PSD3: variants seen among roughly 807,000 people sequenced by gnomAD.
The protein encoded by PSD3 is PH and SEC7 domain-containing protein 3.
In PSD3, 49 loss-of-function variants were observed where a neutral mutation model predicts 105.5. That is an observed-to-expected ratio of 0.46 (90% confidence interval 0.37 to 0.59). The LOEUF (loss-of-function observed/expected upper bound fraction) is 0.59. Ranked by LOEUF, PSD3 falls within the 20% of genes least tolerant of loss-of-function variation. The probability of loss-of-function intolerance (pLI) is 0.00; values close to 1 mark genes in which losing one functional copy is unlikely to be tolerated. For missense variants in PSD3, 1,561 were observed against 1,263.8 expected, an observed-to-expected ratio of 1.24 and a Z score of -3.57; for synonymous variants, 557 against 457.8, an observed-to-expected ratio of 1.22 and a Z score of -2.77.
chr8:18,845,006 T>C (rs1277090807), intron 4 of PSD3, among the ~76,000 whole-genome samples: 1 of 152,238 alleles, frequency 6.6e-6, no homozygotes, highest in African/African-American at 2.4e-5. Flanking sequence ...AAGCACGTCA[T>C]GGGAGTTCAA....
intron 2 of PSD3, among the ~76,000 whole-genome samples, chr8:18,874,302 C>A (rs1252171661): frequency 5.3e-5 from 8 of 151,724 alleles, no homozygotes; most frequent in Admixed American, 5.2e-4. Flanking sequence ...GCTGGGACTA[C>A]AGGTGCGTGC....
At chr8:18,662,639 G>A (rs1051320420) in intron 9 of PSD3, among the ~76,000 whole-genome samples, 5 of 152,088 alleles carry the variant, frequency 3.3e-5, no homozygotes, top group African/African-American at 4.8e-5. Context: ...AATAGGAGAG[G>A]GCTGCATAAA....
chr8:18,703,114 T>C (rs928249905), intron 9 of PSD3, among the ~76,000 whole-genome samples: 2 of 152,100 alleles, frequency 1.3e-5, no homozygotes, highest in African/African-American at 2.4e-5. Flanking sequence ...GAAGGAAATG[T>C]CTTAACTTTT....
intron 1 of PSD3, among the ~76,000 whole-genome samples, chr8:19,021,183 A>G (rs1206082066): frequency 1.3e-5 from 2 of 152,220 alleles, no homozygotes; most frequent in Non-Finnish European, 2.9e-5. Context: ...TAGGAGGAAA[A>G]CAAAAGAATG....
chr8:18,856,106 T>C (rs1227886423), intron 4 of PSD3, among the ~76,000 whole-genome samples: 1 of 152,116 alleles, frequency 6.6e-6, no homozygotes, highest in Non-Finnish European at 1.5e-5. Context: ...CTCTCTGGCA[T>C]GTCACCCTGC....
At chr8:18,544,564 GAA>G (rs1273164194) in intron 15 of PSD3, among the ~76,000 whole-genome samples, 1 of 151,994 alleles carries the variant, frequency 6.6e-6, no homozygotes, top group East Asian at 1.9e-4. Context: ...GAAATCCAAA[GAA>G]AGTGTGAATT....
intron 2 of PSD3, among the ~76,000 whole-genome samples, chr8:18,877,228 C>G (rs1817783527): frequency 6.6e-6 from 1 of 152,184 alleles, no homozygotes; most frequent in Non-Finnish European, 1.5e-5. Context: ...TCATATGTAG[C>G]AAATCATTGT....
At chr8:18,731,306 C>T (rs1803732919) in intron 9 of PSD3, among the ~76,000 whole-genome samples, 2 of 152,242 alleles carry the variant, frequency 1.3e-5, no homozygotes, top group Admixed American at 6.5e-5. Context: ...AACATTTATT[C>T]TGACTATGGA....
chr8:18,824,217 A>G (rs547358707), intron 4 of PSD3, among the ~76,000 whole-genome samples: 5 of 152,310 alleles, frequency 3.3e-5, no homozygotes, highest in Admixed American at 2.6e-4. Flanking sequence ...GGCTATGTCA[A>G]TTTTCCAAAG....
At chr8:18,922,318 A>T (rs2129467431) in intron 2 of PSD3, among the ~76,000 whole-genome samples, 1 of 152,332 alleles carries the variant, frequency 6.6e-6, no homozygotes, top group African/African-American at 2.4e-5. Context: ...GAACAGGAAA[A>T]TCTTTCAAAA....
At chr8:18,604,165 G>A (rs915769781) in intron 11 of PSD3, among the ~76,000 whole-genome samples, 5 of 152,180 alleles carry the variant, frequency 3.3e-5, no homozygotes, top group Non-Finnish European at 2.9e-5. Context: ...AATTCCCAGA[G>A]ACTGGATGAA....
intron 8 of PSD3, among the ~76,000 whole-genome samples, chr8:18,788,630 G>A (rs1445129269): frequency 5.9e-5 from 9 of 152,070 alleles, no homozygotes; most frequent in South Asian, 4.2e-4. Flanking sequence ...GAAGCTTTGC[G>A]GAAAACGTGC....
intron 4 of PSD3, among the ~76,000 whole-genome samples, chr8:18,808,439 A>T (rs1033156939): frequency 6.6e-6 from 1 of 152,182 alleles, no homozygotes; most frequent in African/African-American, 2.4e-5. Flanking sequence ...TTTATTACCC[A>T]AAATCATTCC....
chr8:18,786,470 C>T (rs1809169561), intron 8 of PSD3, among the ~76,000 whole-genome samples: 1 of 152,138 alleles, frequency 6.6e-6, no homozygotes, highest in African/African-American at 2.4e-5. Context: ...ACTTTAACTG[C>T]TTATTTGGCA....
In PSD3 at chr8:18,532,713, T is replaced by A. The variant is rs1286362040; in HGVS notation, c.*3030A>T. On this transcript the variant is annotated 3_prime_UTR_variant, in exon 16 of 16. Transcript: ENST00000327040. ...CTGGCGATAAAGTAAGGACTCTGCA[T>A]CCCAGTAATTAAGTTTTGATTGCTA... The A allele has an allele frequency of 1.3e-5, 2 of 152,170 alleles. No individual in the cohort carries two copies. Among genetic ancestry groups the A allele is most frequent in the African/African-American group, 4.8e-5 (2 of 41,438 alleles). The allele number at this position is 152,170 out of a possible 1,614,324, so 9.4% of individuals were successfully genotyped here. A position where few individuals can be genotyped will look rare whatever the true frequency, so the allele number is the denominator to read the frequency against.
intron 1 of PSD3, among the ~76,000 whole-genome samples, chr8:18,988,689 ATGTTTAAAAAG>A (rs1825635998): frequency 6.6e-6 from 1 of 152,038 alleles, no homozygotes; most frequent in African/African-American, 2.4e-5. Context: ...ACACTATCAC[ATGTTTAAAAAG>A]TGTTGATTTG....
At chr8:18,846,787 T>C (rs1454928440) in intron 4 of PSD3, among the ~76,000 whole-genome samples, 1 of 152,134 alleles carries the variant, frequency 6.6e-6, no homozygotes, top group East Asian at 1.9e-4. Context: ...TCTAGGGGTC[T>C]TGCTCATGAA....
chr8:18,618,913 C>T (rs1271350074), intron 11 of PSD3, among the ~76,000 whole-genome samples: 2 of 152,022 alleles, frequency 1.3e-5, no homozygotes, highest in Non-Finnish European at 2.9e-5. Flanking sequence ...GTGGAATACG[C>T]TTATCCATGA....
intron 2 of PSD3, among the ~76,000 whole-genome samples, chr8:18,897,827 A>C (rs928914096): frequency 6.6e-6 from 1 of 152,142 alleles, no homozygotes; most frequent in African/African-American, 2.4e-5. Context: ...ATATAGAAAC[A>C]CCACTGATTT....
Sources: gnomAD v4.1 joint callset for allele counts (sites outside exome capture counted in the v4.1 genomes callset) on GRCh38, gnomAD v4.1.1 for gene constraint, MANE v1.5 for transcripts, NCBI Gene and HGNC (gene_info 2026-07-23, HGNC 2026-07-21) for gene names.